Variants in SLC16A14 observed in about 807,000 individuals in gnomAD.
SLC16A14 encodes monocarboxylate transporter 14.
A neutral mutation model predicts 35.8 loss-of-function variants in SLC16A14; 14 were observed. That is an observed-to-expected ratio of 0.39 (90% CI 0.26 to 0.61). The LOEUF is 0.61. SLC16A14 is among the 20% of genes least tolerant of loss of function. The probability of loss-of-function intolerance (pLI) is 0.51; values close to 1 mark genes in which losing one functional copy is unlikely to be tolerated. For synonymous variants in SLC16A14, 248 were observed against 258.9 expected, an observed-to-expected ratio of 0.96 and a Z score of 0.40; for missense variants, 533 against 655.0, an observed-to-expected ratio of 0.81 and a Z score of 2.03.
intron 2 of SLC16A14, among the ~76,000 whole-genome samples, chr2:230,053,828 A>G (rs1251139475): frequency 6.6e-6 from 1 of 152,102 alleles, no homozygotes; most frequent in African/African-American, 2.4e-5. Flanking sequence ...AGGAAGTTAT[A>G]TTTTATTGAC....
At chr2:230,040,145 C>A (rs1208474770) in intron 4 of SLC16A14, among the ~76,000 whole-genome samples, 1 of 152,148 alleles carries the variant, frequency 6.6e-6, no homozygotes. Context: ...CATCCTTCAT[C>A]TTTACTCTGC....
chr2:230,050,785 T>C (rs900032817), intron 2 of SLC16A14, among the ~76,000 whole-genome samples: 2 of 152,216 alleles, frequency 1.3e-5, no homozygotes, highest in African/African-American at 4.8e-5. Context: ...TTTATACAAA[T>C]TATGTCATTT....
In SLC16A14 at chr2:230,046,366, C is replaced by G. The variant is rs754868546; in HGVS notation, c.760G>C (p.Gly254Arg). ...GRTEEKDGGL[G>R]NEETLCDLQA... ...AGGTCGCAGAGGGTCTCCTCGTTCC[C>G]GAGCCCACCATCCTTCTCTTCTGTT... Residue 254 changes from glycine (G) to arginine (R), a missense_variant, in exon 4 of 5, where the codon GGG (glycine) becomes CGG (arginine). Transcript: ENST00000295190. The surrounding 1 kb of genome is among the most constrained non-coding windows in gnomAD (Gnocchi z 5.0). 1.2e-6 allele frequency: 2 copies of G among 1,614,174 alleles called. No homozygotes were observed. Among genetic ancestry groups the G allele is most frequent in the Non-Finnish European group, 1.7e-6 (2 of 1,180,030 alleles).
intron 2 of SLC16A14, 49 bp from the exon 3 acceptor site, chr2:230,049,953 A>G (rs1358621310): frequency 6.3e-7 from 1 of 1,586,850 alleles, no homozygotes; most frequent in African/African-American, 1.3e-5. Context: ...CTTCCGTTTT[A>G]TTCTTTCTCA....
In SLC16A14 at chr2:230,040,768, A is replaced by G. The variant is rs116388617; in HGVS notation, c.1382-3237T>C. 3.8e-3 allele frequency among the ~76,000 whole-genome samples: 584 copies of G among 152,310 alleles called. 2 individuals are homozygous for G. The highest frequency in any genetic ancestry group is 0.013 in the African/African-American group (556 of 41,570). Reference sequence around the variant, plus strand: ...CCACCTTTAGGATTTATTTATAAATAACTCTGGATCCTGCCATCTCCCTTT... The same window carrying G: ...CCACCTTTAGGATTTATTTATAAATGACTCTGGATCCTGCCATCTCCCTTT... On this transcript the variant is annotated intron_variant, in intron 4 of 4. Transcript: ENST00000295190.
intron 2 of SLC16A14, among the ~76,000 whole-genome samples, chr2:230,057,470 T>TA (rs2077714883): frequency 6.6e-6 from 1 of 152,080 alleles, no homozygotes; most frequent in South Asian, 2.1e-4. Flanking sequence ...AAACAATTTT[T>TA]TAAAAAAAGA....
intron 2 of SLC16A14, among the ~76,000 whole-genome samples, chr2:230,056,536 G>A (rs1222342242): frequency 6.6e-6 from 1 of 151,964 alleles, no homozygotes; most frequent in Non-Finnish European, 1.5e-5. Flanking sequence ...GATTATAGAC[G>A]TGAACCACCG....
intron 4 of SLC16A14, among the ~76,000 whole-genome samples, chr2:230,043,217 A>G (rs576717448): frequency 1.3e-5 from 2 of 152,236 alleles, no homozygotes; most frequent in Non-Finnish European, 2.9e-5. Flanking sequence ...AGCTTGCTCC[A>G]GGAGGAGTCC....
intron 4 of SLC16A14, 38 bp from the exon 5 acceptor site, chr2:230,037,569 T>C (rs1239139881): frequency 1.3e-6 from 2 of 1,501,408 alleles, no homozygotes; most frequent in Admixed American, 2.2e-5. Flanking sequence ...TGTCATGGAG[T>C]TGATACAATG....
chr2:230,056,094 A>G (rs1197953637), intron 2 of SLC16A14, among the ~76,000 whole-genome samples: 1 of 152,228 alleles, frequency 6.6e-6, no homozygotes, highest in Non-Finnish European at 1.5e-5. Context: ...TAATTTTCTG[A>G]CATACATAAT....
At chr2:230,042,182 A>T (rs2077566165) in intron 4 of SLC16A14, among the ~76,000 whole-genome samples, 1 of 152,160 alleles carries the variant, frequency 6.6e-6, no homozygotes, top group Non-Finnish European at 1.5e-5. Flanking sequence ...TAATACAACG[A>T]TTTCTACCGT....
intron 1 of SLC16A14, among the ~76,000 whole-genome samples, chr2:230,067,558 C>CTCTCTCTCTCTCTCTCTCTCTT: frequency 6.7e-6 from 1 of 148,424 alleles, no homozygotes; most frequent in African/African-American, 2.5e-5. Flanking sequence ...CTCTCTCTCT[C>CTCTCTCTCTCTCTCTCTCTCTT]TCTCTCTCTC....
rs1461293973 is a variant in SLC16A14, at chr2:230,067,561, T to TCA, written c.-15+993_-15+994insTG. 4.1e-5 allele frequency among the ~76,000 whole-genome samples: 3 copies of TCA among 73,076 alleles called. 1 individual carries two copies. Among genetic ancestry groups the TCA allele is most frequent in the African/African-American group, 1.2e-4 (3 of 24,968 alleles). The allele number at this position is 73,076 out of a possible 152,430, so 47.9% of individuals were successfully genotyped here. Reference sequence around the variant, plus strand: ...CTCTCTCTCTCTCTCTCTCTCTCTCTCTCTCTCTCTCACACACACACACAC... The same window carrying TCA: ...CTCTCTCTCTCTCTCTCTCTCTCTCTCACTCTCTCTCTCACACACACACACAC... On this transcript the variant is annotated intron_variant, in intron 1 of 4. Transcript: ENST00000295190.
chr2:230,041,334 GTTTTA>G (rs985349256), intron 4 of SLC16A14, among the ~76,000 whole-genome samples: 1 of 151,954 alleles, frequency 6.6e-6, no homozygotes, highest in Non-Finnish European at 1.5e-5. Context: ...ACATAATTTT[GTTTTA>G]TTTTATTTTA....
chr2:230,051,817 T>C (rs1229122493), intron 2 of SLC16A14, among the ~76,000 whole-genome samples: 1 of 152,210 alleles, frequency 6.6e-6, no homozygotes, highest in African/African-American at 2.4e-5. Context: ...AGTGGTTTTG[T>C]GGGTGCCTAA....
At position 230,035,307 on chromosome 2, in the gene SLC16A14, T is replaced by C. The variant is rs549305727; in HGVS notation, c.*2073A>G. 1 of 152,722 alleles carries C rather than the reference T, an allele frequency of 6.5e-6. No homozygotes were observed. The highest frequency in any genetic ancestry group is 2.1e-4 in the South Asian group (1 of 4,826). 9.5% of individuals were successfully genotyped at this position (152,722 alleles called of 1,614,324 possible). A position where few individuals can be genotyped will look rare whatever the true frequency, so the allele number is the denominator to read the frequency against. On this transcript the variant is annotated 3_prime_UTR_variant, in exon 5 of 5. Transcript: ENST00000295190. Reference sequence around the variant, plus strand: ...TGAACGTGAGCAAGTCTAACTTAGATGTAATTAGAGTTGAGTCATTGGATA... The same window carrying C: ...TGAACGTGAGCAAGTCTAACTTAGACGTAATTAGAGTTGAGTCATTGGATA...
intron 2 of SLC16A14, among the ~76,000 whole-genome samples, chr2:230,057,245 T>C (rs2077712901): frequency 6.6e-6 from 1 of 152,212 alleles, no homozygotes. Flanking sequence ...ATATCATAGA[T>C]GCTTATTCAA....
At chr2:230,059,925 C>G (rs2077737832) in intron 1 of SLC16A14, among the ~76,000 whole-genome samples, 2 of 152,172 alleles carry the variant, frequency 1.3e-5, no homozygotes, top group South Asian at 4.1e-4. Flanking sequence ...TAACCCAGCT[C>G]AGGAGAGACT....
chr2:230,060,244 T>C (rs1219580929), intron 1 of SLC16A14, among the ~76,000 whole-genome samples: 2 of 152,110 alleles, frequency 1.3e-5, no homozygotes, highest in Admixed American at 6.5e-5. Context: ...TGAACAGCCA[T>C]TGGACATAAT....
Sources: gnomAD v4.1 joint callset for allele counts (sites outside exome capture counted in the v4.1 genomes callset) on GRCh38, gnomAD v4.1.1 for gene constraint, Gnocchi (gnomAD v3.1) non-coding constraint, MANE v1.5 for transcripts, NCBI Gene and HGNC (gene_info 2026-07-23, HGNC 2026-07-21) for gene names.